The following HHAT variants were observed in gnomAD, a reference collection of about 807,000 sequenced individuals.
The protein encoded by HHAT is protein-cysteine N-palmitoyltransferase HHAT.
Under a neutral mutation model 70.8 loss-of-function variants are expected in HHAT, and 47 were observed. The ratio of observed to expected loss-of-function variants is 0.66; its 90% confidence interval spans 0.53 to 0.85. The LOEUF (loss-of-function observed/expected upper bound fraction) is 0.85, where lower values mean the gene tolerates loss of function less well. Ranked by LOEUF, HHAT falls within the 40% of genes least tolerant of loss-of-function variation. The probability of loss-of-function intolerance (pLI) is 0.00; values close to 1 mark genes in which losing one functional copy is unlikely to be tolerated. For synonymous variants in HHAT, 228 were observed against 247.6 expected (o/e 0.92, Z 0.74); for missense variants, 609 against 604.8 (o/e 1.01, Z -0.07).
At chr1:210,568,044 A>G (rs1018550364) in intron 9 of HHAT, among the ~76,000 whole-genome samples, 41 of 152,244 alleles carry the variant, frequency 2.7e-4, no homozygotes, top group African/African-American at 9.6e-4. Flanking sequence ...TCATCACTAG[A>G]AAGACCAATG....
intron 8 of HHAT, among the ~76,000 whole-genome samples, chr1:210,510,119 T>G (rs2094929333): frequency 6.6e-6 from 1 of 152,162 alleles, no homozygotes; most frequent in Admixed American, 6.5e-5. Context: ...GCAGAAATGG[T>G]TTTGAATATA....
chr1:210,466,715 G>C (rs753051865), intron 8 of HHAT, among the ~76,000 whole-genome samples: 6 of 152,088 alleles, frequency 3.9e-5, no homozygotes, highest in Non-Finnish European at 7.4e-5. Context: ...AGGCAGTTTC[G>C]GCAGTTGACT....
chr1:210,500,316 C>T (rs977985987), intron 8 of HHAT, among the ~76,000 whole-genome samples: 5 of 152,206 alleles, frequency 3.3e-5, no homozygotes, highest in African/African-American at 4.8e-5. Context: ...TAAAAATATA[C>T]ATGCAGGAAG....
intron 5 of HHAT, 48 bp from the exon 6 acceptor site, chr1:210,404,416 T>C (rs2092236643): frequency 6.9e-7 from 1 of 1,450,060 alleles, no homozygotes; most frequent in African/African-American, 1.4e-5. Context: ...GACTGGACGA[T>C]GTCCCTGCTG....
chr1:210,513,423 T>C (rs1158452129), intron 9 of HHAT, among the ~76,000 whole-genome samples: 1 of 152,224 alleles, frequency 6.6e-6, no homozygotes, highest in Non-Finnish European at 1.5e-5. Context: ...CCTAAGATCT[T>C]GACAAGTATA....
Position 210,674,400 on chromosome 1 carries a change from T to C in HHAT, c.*21T>C, listed in dbSNP as rs191482026. The C allele has an allele frequency of 9.4e-6, 15 of 1,593,388 alleles. No individual in the cohort carries two copies. The South Asian group carries it at 1.7e-4, about 18-fold the overall frequency. The stretch of plus-strand genomic sequence containing the variant: ...ACTAATGCTGTTGGGCCCAGGCCAG[T>C]CCTTGTTGCTGGCCTCCAAGGCAAA... On this transcript the variant is annotated 3_prime_UTR_variant, in exon 12 of 12. Transcript: ENST00000261458.
At chr1:210,640,665 G>A (rs1007890501) in intron 11 of HHAT, among the ~76,000 whole-genome samples, 2 of 145,342 alleles carry the variant, frequency 1.4e-5, no homozygotes, top group Non-Finnish European at 3.0e-5. Flanking sequence ...CCCGCACTCC[G>A]CCCCCCACTG....
intron 9 of HHAT, among the ~76,000 whole-genome samples, chr1:210,563,746 T>A (rs376007226): frequency 3.9e-4 from 59 of 152,268 alleles, no homozygotes; most frequent in African/African-American, 1.4e-3. Context: ...TCATATTGGG[T>A]CTTCACCATG....
chr1:210,501,316 C>T (rs6691136), intron 8 of HHAT, among the ~76,000 whole-genome samples: 30,555 of 152,310 alleles, frequency 0.2, 3,866 homozygotes, highest in Non-Finnish European at 0.28. Context: ...TCTCCTGGCA[C>T]ATCTGTTTCT....
intron 9 of HHAT, among the ~76,000 whole-genome samples, chr1:210,584,016 T>G (rs926650200): frequency 1.4e-5 from 2 of 145,460 alleles, no homozygotes; most frequent in Non-Finnish European, 3.0e-5. Flanking sequence ...GCAGTGGTAC[T>G]TACTGCAACC....
At position 210,641,293 on chromosome 1, in the gene HHAT, C is replaced by T. The variant is rs765961791; in HGVS notation, c.1390+17623C>T. Among the ~76,000 whole-genome samples the T allele has an allele frequency of 7.9e-5, 12 of 152,166 alleles. No individual in the cohort carries two copies. In the South Asian group the frequency reaches 8.3e-4, roughly 11 times the overall value. ...TAAAATGCACAAGTGTTAAATGTGC[C>T]GAATGATCAGTTTTTAAAATTGAAG... On this transcript the variant is annotated intron_variant, in intron 11 of 11. Coordinates refer to ENST00000261458, the MANE Select transcript of HHAT (RefSeq NM_018194.6).
intron 11 of HHAT, among the ~76,000 whole-genome samples, chr1:210,634,228 C>T (rs537505514): frequency 4.6e-5 from 7 of 152,240 alleles, no homozygotes; most frequent in African/African-American, 1.2e-4. Context: ...TAGAACATTC[C>T]GCCCAGAGAG....
At chr1:210,652,776 C>A (rs533299444) in intron 11 of HHAT, among the ~76,000 whole-genome samples, 1 of 152,206 alleles carries the variant, frequency 6.6e-6, no homozygotes, top group Admixed American at 6.5e-5. Flanking sequence ...AGAAGACACT[C>A]AACCTCACTC....
At position 210,610,310 on chromosome 1, in the gene HHAT, G is replaced by A. The variant is rs140480157; in HGVS notation, c.1246-13216G>A. ...TTTTAAAAATATGTTGGCCACATGT[G>A]TGTCTTCTTTTGAGAAGTGTCTTTC... On this transcript the variant is annotated intron_variant, in intron 10 of 11. Coordinates refer to ENST00000261458, the MANE Select transcript of HHAT (RefSeq NM_018194.6). Among the ~76,000 whole-genome samples the A allele has an allele frequency of 8.4e-4, 128 of 152,270 alleles. 1 individual carries two copies. The highest frequency in any genetic ancestry group is 2.9e-3 in the African/African-American group (119 of 41,554).
At chr1:210,673,958 T>TTTC (rs1491271602) in intron 11 of HHAT, among the ~76,000 whole-genome samples, 5 of 2,906 alleles carry the variant, frequency 1.7e-3, no homozygotes, top group Non-Finnish European at 3.8e-3. Flanking sequence ...GCCCTATTTC[T>TTTC]TTTTTTTTTT....
chr1:210,615,373 A>T (rs868711591), intron 10 of HHAT, among the ~76,000 whole-genome samples: 1 of 152,044 alleles, frequency 6.6e-6, no homozygotes, highest in Non-Finnish European at 1.5e-5. Flanking sequence ...CTTCTTTGCG[A>T]TGGGTTCGAA....
chr1:210,419,211 G>GGGT (rs1278483649), intron 7 of HHAT, among the ~76,000 whole-genome samples: 1 of 152,140 alleles, frequency 6.6e-6, no homozygotes, highest in African/African-American at 2.4e-5. Context: ...TGCACATTGA[G>GGGT]GGTGTACCTT....
At chr1:210,672,949 A>G (rs983290995) in intron 11 of HHAT, among the ~76,000 whole-genome samples, 3 of 152,192 alleles carry the variant, frequency 2.0e-5, no homozygotes, top group African/African-American at 7.2e-5. Context: ...TTTAAGAAAA[A>G]AATGTAGTTC....
chr1:210,374,292 T>C (rs1213241867), intron 3 of HHAT: 2 of 152,254 alleles, frequency 1.3e-5, no homozygotes, highest in African/African-American at 2.4e-5. Flanking sequence ...GTTCAACTCA[T>C]TGTTGCAGTA....
Sources: gnomAD v4.1 joint callset for allele counts (sites outside exome capture counted in the v4.1 genomes callset) on GRCh38, gnomAD v4.1.1 for gene constraint, MANE v1.5 for transcripts, NCBI Gene and HGNC (gene_info 2026-07-23, HGNC 2026-07-21) for gene names.